Variants in FOXN3 observed in about 807,000 individuals in gnomAD.
FOXN3 encodes the protein forkhead box N3.
FOXN3 carries 7 observed loss-of-function variants against 38.4 expected under a neutral mutation model. That is an observed-to-expected ratio of 0.18 (90% CI 0.10 to 0.34). The LOEUF is 0.34. Ranked by LOEUF, FOXN3 falls within the 10% of genes least tolerant of loss-of-function variation. The pLI, the probability that FOXN3 is intolerant of heterozygous loss-of-function variation, is 1.00. For synonymous variants in FOXN3, 230 were observed against 242.2 expected, an observed-to-expected ratio of 0.95 and a Z score of 0.47; for missense variants, 456 against 613.4, an observed-to-expected ratio of 0.74 and a Z score of 2.71.
At chr14:89,283,862 G>A (rs892128279) in intron 3 of FOXN3, among the ~76,000 whole-genome samples, 1 of 152,012 alleles carries the variant, frequency 6.6e-6, no homozygotes, top group Admixed American at 6.6e-5. Flanking sequence ...TCACCTTCCT[G>A]TTTTTTGGGG....
At chr14:89,441,552 G>A (rs924663911) in intron 1 of FOXN3, among the ~76,000 whole-genome samples, 9 of 152,074 alleles carry the variant, frequency 5.9e-5, no homozygotes, top group Non-Finnish European at 8.8e-5. Context: ...ATCACTTTTA[G>A]GGTCTAGGCT....
chr14:89,250,757 T>C (rs1478856035), intron 4 of FOXN3, among the ~76,000 whole-genome samples: 2 of 152,176 alleles, frequency 1.3e-5, no homozygotes, highest in East Asian at 3.9e-4. Flanking sequence ...AGAGACCTGG[T>C]GGGAGGTAAT....
At chr14:89,264,771 C>G (rs754980238) in intron 4 of FOXN3, among the ~76,000 whole-genome samples, 118 of 152,176 alleles carry the variant, frequency 7.8e-4, no homozygotes, top group Non-Finnish European at 1.1e-3. Flanking sequence ...GATGCTGGTA[C>G]CACCTAACCC....
intron 3 of FOXN3, among the ~76,000 whole-genome samples, chr14:89,317,084 T>C (rs1259847849): frequency 6.6e-6 from 1 of 152,234 alleles, no homozygotes; most frequent in Non-Finnish European, 1.5e-5. Context: ...AGACTGCAAT[T>C]GGCTTCAAGA....
chr14:89,475,406 A>G (rs1282033207), intron 1 of FOXN3, among the ~76,000 whole-genome samples: 2 of 152,200 alleles, frequency 1.3e-5, no homozygotes, highest in Non-Finnish European at 2.9e-5. Context: ...CTGTATTTCC[A>G]GCACATTGGG....
chr14:89,572,298 AAC>A (rs781015147), intron 1 of FOXN3, among the ~76,000 whole-genome samples: 1 of 152,252 alleles, frequency 6.6e-6, no homozygotes, highest in Non-Finnish European at 1.5e-5. Flanking sequence ...GCAGTGCTAA[AAC>A]ACATTTCAAA....
chr14:89,566,379 T>A (rs117412245), intron 1 of FOXN3, among the ~76,000 whole-genome samples: 114 of 152,356 alleles, frequency 7.5e-4, no homozygotes, highest in Middle Eastern at 3.4e-3. Flanking sequence ...AATTTAGCAT[T>A]GTCAGCATTT....
chr14:89,413,840 G>A (rs1891614270), intron 1 of FOXN3, among the ~76,000 whole-genome samples: 1 of 142,374 alleles, frequency 7.0e-6, no homozygotes, highest in South Asian at 2.4e-4. Context: ...GAAGGGAGGG[G>A]AGAGGAGAGG....
chr14:89,288,660 G>GCGCGC (rs1566947472), intron 3 of FOXN3, among the ~76,000 whole-genome samples: 4 of 43,920 alleles, frequency 9.1e-5, no homozygotes, highest in African/African-American at 2.0e-4. Context: ...GGCTGTAATA[G>GCGCGC]GCACTCTCTT....
In FOXN3 at chr14:89,393,815, G is replaced by A. The variant is rs146512421; in HGVS notation, c.543+18119C>T. ...ACAGTTACAGAGGGGCAAAAGTAGA[G>A]GAGAAAGAGCCCAGAGGTACAACTT... is the stretch of plus-strand genomic sequence containing the variant. On this transcript the variant is annotated intron_variant, in intron 2 of 5. Coordinates refer to ENST00000557258, the MANE Select transcript of FOXN3 (RefSeq NM_005197.4). Among the ~76,000 whole-genome samples, 239 of 152,358 alleles carry A rather than the reference G, an allele frequency of 1.6e-3. 2 individuals are homozygous for A. Among genetic ancestry groups the A allele is most frequent in the African/African-American group, 5.3e-3 (221 of 41,580 alleles).
chr14:89,429,717 T>G (rs1892117269), intron 1 of FOXN3, among the ~76,000 whole-genome samples: 1 of 152,208 alleles, frequency 6.6e-6, no homozygotes, highest in South Asian at 2.1e-4. Flanking sequence ...AACTGTCATT[T>G]TGCTCCGCGG....
chr14:89,283,471 C>T (rs1886523718), intron 3 of FOXN3, among the ~76,000 whole-genome samples: 1 of 152,150 alleles, frequency 6.6e-6, no homozygotes, highest in Non-Finnish European at 1.5e-5. Context: ...GCCTTTAAAG[C>T]TTAAAGTTGG....
intron 1 of FOXN3, among the ~76,000 whole-genome samples, chr14:89,536,051 T>C (rs1195959202): frequency 6.6e-6 from 1 of 152,258 alleles, no homozygotes. Flanking sequence ...GTGTTTGAGC[T>C]GATCTTGAGT....
chr14:89,579,101 C>T (rs1452914217), intron 1 of FOXN3, among the ~76,000 whole-genome samples: 2 of 151,650 alleles, frequency 1.3e-5, no homozygotes, highest in Non-Finnish European at 2.9e-5. Flanking sequence ...CCTCCCATCT[C>T]GGCCTCCCAA....
intron 4 of FOXN3, among the ~76,000 whole-genome samples, chr14:89,232,733 C>G (rs150157241): frequency 7.2e-5 from 11 of 152,316 alleles, no homozygotes; most frequent in Admixed American, 1.3e-4. Context: ...AGTGACAGCG[C>G]GCCAGCCTTA....
At chr14:89,276,871 G>T (rs1386211030) in intron 4 of FOXN3, among the ~76,000 whole-genome samples, 1 of 152,148 alleles carries the variant, frequency 6.6e-6, no homozygotes, top group Admixed American at 6.5e-5. Flanking sequence ...GCAGAAGTAG[G>T]ATATAAAATC....
chr14:89,207,238 G>A (rs1230527869), intron 4 of FOXN3, among the ~76,000 whole-genome samples: 2 of 151,322 alleles, frequency 1.3e-5, no homozygotes, highest in African/African-American at 4.9e-5. Context: ...ACAAAATAAA[G>A]CAAAACAAAA....
At chr14:89,521,053 C>A (rs1438290670) in intron 1 of FOXN3, among the ~76,000 whole-genome samples, 1 of 152,134 alleles carries the variant, frequency 6.6e-6, no homozygotes, top group East Asian at 1.9e-4. Context: ...GTGGCTCACA[C>A]CTGTAATCCC....
chr14:89,505,781 G>C (rs1596300938), intron 1 of FOXN3, among the ~76,000 whole-genome samples: 1 of 151,272 alleles, frequency 6.6e-6, no homozygotes, highest in African/African-American at 2.4e-5. Context: ...GCCCAGTCTG[G>C]AAAGTGAGGA....
Sources: allele counts gnomAD v4.1 joint callset (sites outside exome capture counted in the v4.1 genomes callset), GRCh38; gene constraint gnomAD v4.1.1; transcripts MANE v1.5; gene names NCBI Gene and HGNC (gene_info 2026-07-23, HGNC 2026-07-21).